The following RANBP2 variants were observed in gnomAD, a reference collection of about 807,000 sequenced individuals.
RANBP2 encodes RAN binding protein 2.
In RANBP2, 57 loss-of-function variants were observed where a neutral mutation model predicts 303.6. The observed-to-expected ratio is 0.19, with a 90% confidence interval of 0.15 to 0.23. The LOEUF is 0.23. Ranked by LOEUF, RANBP2 falls within the 10% of genes least tolerant of loss-of-function variation. The pLI, the probability that RANBP2 is intolerant of heterozygous loss-of-function variation, is 1.00. For synonymous variants in RANBP2, 1,167 were observed against 1,301.5 expected, an observed-to-expected ratio of 0.90 and a Z score of 2.23; for missense variants, 3,138 against 3,780.8, an observed-to-expected ratio of 0.83 and a Z score of 4.46.
the RANBP2 span, among the ~76,000 whole-genome samples, chr2:109,267,496 G>A: frequency 6.6e-6 from 1 of 152,190 alleles, no homozygotes; most frequent in East Asian, 1.9e-4. Flanking sequence ...CTGAGACACA[G>A]GTGGAAAGTC....
At chr2:109,616,028 G>T in the RANBP2 span, 1 of 1,519,468 alleles carries the variant, frequency 6.6e-7, no homozygotes, top group African/African-American at 1.4e-5. Flanking sequence ...AAGGCCACTC[G>T]CCCTTCACAT....
the RANBP2 span, among the ~76,000 whole-genome samples, chr2:108,841,640 G>GT: frequency 3.3e-5 from 5 of 151,824 alleles, no homozygotes; most frequent in Non-Finnish European, 7.4e-5. Context: ...TCTAGAATGA[G>GT]TTTTTTTAAT....
the RANBP2 span, among the ~76,000 whole-genome samples, chr2:108,993,343 G>A: frequency 6.6e-6 from 1 of 152,224 alleles, no homozygotes; most frequent in Non-Finnish European, 1.5e-5. Flanking sequence ...GCTGGCCTGG[G>A]AGGCAGCTGA....
chr2:109,615,930 A>G, the RANBP2 span: 2 of 1,606,118 alleles, frequency 1.2e-6, no homozygotes, highest in Non-Finnish European at 1.7e-6. Flanking sequence ...CAGAACCCAG[A>G]TCGTCCACAC....
the RANBP2 span, among the ~76,000 whole-genome samples, chr2:109,728,726 A>T: frequency 6.6e-6 from 1 of 151,058 alleles, no homozygotes; most frequent in Admixed American, 6.7e-5. Context: ...GTGCTGGATT[A>T]CAGGCATGAG....
the RANBP2 span, among the ~76,000 whole-genome samples, chr2:109,642,623 C>A: frequency 6.6e-6 from 1 of 150,428 alleles, no homozygotes; most frequent in Non-Finnish European, 1.5e-5. Context: ...GTGACGTGCA[C>A]CTGTAGGCAA....
At chr2:109,707,757 T>C in the RANBP2 span, among the ~76,000 whole-genome samples, 1 of 152,248 alleles carries the variant, frequency 6.6e-6, no homozygotes, top group Non-Finnish European at 1.5e-5. Flanking sequence ...TTTCTTCTAA[T>C]GTTCAGAGCT....
chr2:109,568,002 TCTTA>T, the RANBP2 span: 1 of 1,534,900 alleles, frequency 6.5e-7, no homozygotes, highest in Non-Finnish European at 8.8e-7. Flanking sequence ...AAAAACAAAA[TCTTA>T]CTGAGGATTT....
chr2:109,411,418 A>G, the RANBP2 span, among the ~76,000 whole-genome samples: 1 of 152,148 alleles, frequency 6.6e-6, no homozygotes, highest in Non-Finnish European at 1.5e-5. Context: ...CATTCTGTAC[A>G]GCTGGGCCTG....
chr2:109,072,013 A>G, the RANBP2 span, among the ~76,000 whole-genome samples: 4 of 152,246 alleles, frequency 2.6e-5, no homozygotes, highest in Admixed American at 6.5e-5. Flanking sequence ...ATCACAGGCT[A>G]TAGAAGTAAA....
the RANBP2 span, among the ~76,000 whole-genome samples, chr2:109,094,281 A>T: frequency 1.0e-3 from 156 of 152,298 alleles, no homozygotes; most frequent in Non-Finnish European, 2.0e-3. Context: ...GAAGCACTGC[A>T]CTATCTTCTC....
chr2:109,229,343 C>G, the RANBP2 span, among the ~76,000 whole-genome samples: 2 of 152,354 alleles, frequency 1.3e-5, no homozygotes, highest in African/African-American at 4.8e-5. Context: ...TGGTACTTTT[C>G]ATACATTAAC....
chr2:108,782,961 T>C (rs1678359597), intron 28 of RANBP2, 99 bp downstream of exon 28: 2 of 1,109,656 alleles, frequency 1.8e-6, no homozygotes, highest in Non-Finnish European at 2.7e-6. Context: ...CCTGTAGTTT[T>C]GTTAAAGATT....
At chr2:108,827,837 A>G in the RANBP2 span, among the ~76,000 whole-genome samples, 1 of 151,850 alleles carries the variant, frequency 6.6e-6, no homozygotes, top group South Asian at 2.1e-4. Flanking sequence ...AAAAAATTAA[A>G]AAAATTTAAA....
At chr2:109,525,117 A>T in the RANBP2 span, among the ~76,000 whole-genome samples, 1 of 146,488 alleles carries the variant, frequency 6.8e-6, no homozygotes, top group Non-Finnish European at 1.5e-5. Context: ...ATGAGGCTTC[A>T]GCAAATATCC....
At chr2:108,915,293 G>C in the RANBP2 span, among the ~76,000 whole-genome samples, 1 of 152,220 alleles carries the variant, frequency 6.6e-6, no homozygotes, top group African/African-American at 2.4e-5. Flanking sequence ...CTAGTGACCA[G>C]CTGAGCTATC....
chr2:109,668,395 A>G, the RANBP2 span, among the ~76,000 whole-genome samples: 3 of 152,216 alleles, frequency 2.0e-5, no homozygotes, highest in South Asian at 2.1e-4. Context: ...ATACAATAAA[A>G]TCATCACCTC....
At chr2:109,410,693 C>G in the RANBP2 span, among the ~76,000 whole-genome samples, 1 of 152,232 alleles carries the variant, frequency 6.6e-6, no homozygotes, top group Non-Finnish European at 1.5e-5. Context: ...TGTCCACTTG[C>G]CTAGGCCAAA....
the RANBP2 span, among the ~76,000 whole-genome samples, chr2:109,762,461 GCTGCTTGT>G: frequency 2.0e-5 from 3 of 148,396 alleles, no homozygotes; most frequent in Non-Finnish European, 3.0e-5. Flanking sequence ...ATATTTTTAT[GCTGCTTGT>G]CTGCTTGCTG....
Sources: allele counts gnomAD v4.1 joint callset (sites outside exome capture counted in the v4.1 genomes callset), GRCh38; gene constraint gnomAD v4.1.1; transcripts MANE v1.5; gene names NCBI Gene and HGNC (gene_info 2026-07-23, HGNC 2026-07-21).